Variants in CNTN5 observed in about 807,000 individuals in gnomAD.
The protein encoded by CNTN5 is contactin-5.
CNTN5 carries 77 observed loss-of-function variants against 129.1 expected under a neutral mutation model. The observed-to-expected ratio is 0.60, with a 90% CI of 0.50 to 0.72. The LOEUF (loss-of-function observed/expected upper bound fraction) is 0.72. CNTN5 is among the 30% of genes least tolerant of loss of function. CNTN5 has a pLI of 0.00. For missense variants in CNTN5, 1,478 were observed against 1,328.8 expected, an observed-to-expected ratio of 1.11 and a Z score of -1.75; for synonymous variants, 509 against 465.6, an observed-to-expected ratio of 1.09 and a Z score of -1.20.
At chr11:99,898,270 A>G (rs1949261902) in intron 6 of CNTN5, among the ~76,000 whole-genome samples, 1 of 152,122 alleles carries the variant, frequency 6.6e-6, no homozygotes, top group Non-Finnish European at 1.5e-5. Flanking sequence ...TCAATGAAAT[A>G]AAAGGTTGGT....
At chr11:99,697,214 T>C (rs552367469) in intron 3 of CNTN5, among the ~76,000 whole-genome samples, 1 of 152,032 alleles carries the variant, frequency 6.6e-6, no homozygotes, top group South Asian at 2.1e-4. Context: ...GTTCAACGCT[T>C]AAAGAAATAC....
At chr11:99,568,060 G>A (rs1874140) in intron 3 of CNTN5, among the ~76,000 whole-genome samples, 18,105 of 152,090 alleles carry the variant, frequency 0.12, 1,298 homozygotes, top group East Asian at 0.21. Flanking sequence ...TAAAGAAAAA[G>A]TTAACTTATT....
intron 2 of CNTN5, among the ~76,000 whole-genome samples, chr11:99,373,274 G>A (rs1211979332): frequency 6.6e-6 from 1 of 152,130 alleles, no homozygotes; most frequent in African/African-American, 2.4e-5. Context: ...GTACAAAACT[G>A]GATGGACTAT....
In CNTN5 at chr11:100,127,651, C is replaced by CTTTTTTTT. The variant is rs66468227; in HGVS notation, c.1580+53374_1580+53381dup. Among the ~76,000 whole-genome samples, 436 of 81,306 alleles carry CTTTTTTTT rather than the reference C, an allele frequency of 5.4e-3. 2 individuals are homozygous for CTTTTTTTT. Among genetic ancestry groups the CTTTTTTTT allele is most frequent in the Middle Eastern group, 0.011 (1 of 88 alleles). 53.3% of individuals were successfully genotyped at this position (81,306 alleles called of 152,430 possible). On this transcript the variant is annotated intron_variant, in intron 13 of 24. Transcript: ENST00000524871. ...ACAGACTTTCTGACTTTCTTTCTTTCTTTTTTTTTTTTTTTTTTTTTTTTG... is the reference window on the plus strand; with the variant it reads ...ACAGACTTTCTGACTTTCTTTCTTTCTTTTTTTTTTTTTTTTTTTTTTTTTTTTTTTTG...
chr11:99,682,326 G>A lies in CNTN5; in HGVS notation c.55+126057G>A, dbSNP rs663802. ...AAGAGAAGAGAGATAAGTGAAAATA[G>A]AAAGATATTAATTGTGGGGTACGTC... On this transcript the variant is annotated intron_variant, in intron 3 of 24. Coordinates refer to ENST00000524871, the MANE Select transcript of CNTN5 (RefSeq NM_014361.4). 6.4e-3 allele frequency among the ~76,000 whole-genome samples: 957 copies of A among 150,672 alleles called. 13 individuals carry two copies. The highest frequency in any genetic ancestry group is 7.6e-3 in the Non-Finnish European group (516 of 67,784).
chr11:99,508,549 G>A (rs773880509), intron 2 of CNTN5, among the ~76,000 whole-genome samples: 17 of 152,066 alleles, frequency 1.1e-4, no homozygotes, highest in Admixed American at 2.0e-4. Context: ...CAGGGTTTGC[G>A]GAGCCCTTCC....
At chr11:99,491,954 C>A (rs990154587) in intron 2 of CNTN5, among the ~76,000 whole-genome samples, 1 of 152,124 alleles carries the variant, frequency 6.6e-6, no homozygotes, top group Non-Finnish European at 1.5e-5. Context: ...CTGTCCCAAC[C>A]TGGGTAGAAG....
intron 2 of CNTN5, among the ~76,000 whole-genome samples, chr11:99,333,057 A>G (rs1045997627): frequency 6.6e-6 from 1 of 152,006 alleles, no homozygotes; most frequent in Non-Finnish European, 1.5e-5. Context: ...TGTCCAAAAA[A>G]CTTCCCGGGT....
chr11:99,575,710 C>T (rs1949322801), intron 3 of CNTN5, among the ~76,000 whole-genome samples: 1 of 152,144 alleles, frequency 6.6e-6, no homozygotes, highest in South Asian at 2.1e-4. Context: ...TTCTGTGGGA[C>T]AGAAGTTGAT....
At chr11:99,654,081 A>G (rs1383202717) in intron 3 of CNTN5, among the ~76,000 whole-genome samples, 1 of 152,098 alleles carries the variant, frequency 6.6e-6, no homozygotes, top group African/African-American at 2.4e-5. Flanking sequence ...TTTTATTAGA[A>G]TGCAAACAAG....
intron 2 of CNTN5, among the ~76,000 whole-genome samples, chr11:99,400,304 A>G (rs1254035509): frequency 1.3e-5 from 2 of 152,146 alleles, no homozygotes; most frequent in Admixed American, 6.6e-5. Context: ...TATTTCGCTT[A>G]ACATAATGAA....
chr11:99,783,149 A>C (rs1945377882), intron 3 of CNTN5, among the ~76,000 whole-genome samples: 1 of 81,688 alleles, frequency 1.2e-5, no homozygotes, highest in African/African-American at 4.6e-5. Flanking sequence ...CCCATCAAAA[A>C]GTGGGCGAAG....
chr11:99,793,720 TTTGA>T (rs1188220876), intron 3 of CNTN5, among the ~76,000 whole-genome samples: 2 of 152,198 alleles, frequency 1.3e-5, no homozygotes, highest in African/African-American at 4.8e-5. Context: ...TTTCATGTAA[TTTGA>T]TTGTTTGCAT....
chr11:99,745,157 G>A (rs1397589364), intron 3 of CNTN5, among the ~76,000 whole-genome samples: 2 of 152,128 alleles, frequency 1.3e-5, no homozygotes, highest in African/African-American at 4.8e-5. Flanking sequence ...TCCCTGATGG[G>A]CATGGATTGC....
chr11:99,498,273 G>A (rs1946303414), intron 2 of CNTN5, among the ~76,000 whole-genome samples: 1 of 151,988 alleles, frequency 6.6e-6, no homozygotes, highest in Non-Finnish European at 1.5e-5. Flanking sequence ...GCTCTAAATA[G>A]CATTATCGCA....
At chr11:99,734,497 T>C (rs1464696410) in intron 3 of CNTN5, among the ~76,000 whole-genome samples, 1 of 152,190 alleles carries the variant, frequency 6.6e-6, no homozygotes, top group Non-Finnish European at 1.5e-5. Context: ...CTGAGTCATT[T>C]GTCATAAGTG....
At chr11:99,112,335 G>A (rs749375938) in intron 1 of CNTN5, among the ~76,000 whole-genome samples, 1 of 151,882 alleles carries the variant, frequency 6.6e-6, no homozygotes, top group African/African-American at 2.4e-5. Flanking sequence ...TCTCAAGAAG[G>A]TTATGTCATA....
intron 3 of CNTN5, among the ~76,000 whole-genome samples, chr11:99,585,300 C>T (rs895556342): frequency 6.6e-6 from 1 of 152,108 alleles, no homozygotes; most frequent in Admixed American, 6.6e-5. Flanking sequence ...ATTCTTCTCT[C>T]TTTTTTGACT....
At chr11:99,563,111 T>C (rs1410958351) in intron 3 of CNTN5, among the ~76,000 whole-genome samples, 1 of 152,020 alleles carries the variant, frequency 6.6e-6, no homozygotes, top group Non-Finnish European at 1.5e-5. Flanking sequence ...ATTATAAATT[T>C]TGGGAAACGG....
Sources: allele counts gnomAD v4.1 joint callset (sites outside exome capture counted in the v4.1 genomes callset), GRCh38; gene constraint gnomAD v4.1.1; transcripts MANE v1.5; gene names NCBI Gene and HGNC (gene_info 2026-07-23, HGNC 2026-07-21).